The following B3GALT1 variants were observed in gnomAD, a reference collection of about 807,000 sequenced individuals.
B3GALT1 encodes beta-1,3-galactosyltransferase 1, also known as UDP-Gal:betaGlcNAc beta 1,3-galactosyltransferase, polypeptide 1.
In B3GALT1, 10 loss-of-function variants were observed where a neutral mutation model predicts 23.2. The observed-to-expected ratio is 0.43, with a 90% CI of 0.27 to 0.73. B3GALT1 has a LOEUF of 0.73. Ranked by LOEUF, B3GALT1 falls within the 30% of genes least tolerant of loss-of-function variation. The pLI is 0.21. For synonymous variants in B3GALT1, 156 were observed against 141.5 expected, an observed-to-expected ratio of 1.10 and a Z score of -0.73; for missense variants, 299 against 405.4, an observed-to-expected ratio of 0.74 and a Z score of 2.25.
chr2:167,378,373 C>A (rs2105274380), intron 1 of B3GALT1, among the ~76,000 whole-genome samples: 1 of 152,152 alleles, frequency 6.6e-6, no homozygotes, highest in Non-Finnish European at 1.5e-5. Context: ...CAACCTCTAG[C>A]AAAATTAGGG....
At chr2:167,301,652 G>A (rs1194406628) in intron 1 of B3GALT1, among the ~76,000 whole-genome samples, 1 of 152,204 alleles carries the variant, frequency 6.6e-6, no homozygotes, top group Non-Finnish European at 1.5e-5. Flanking sequence ...CCAGGTTCAA[G>A]CGATTCTCCT....
chr2:167,400,130 C>T (rs138965649), intron 1 of B3GALT1, among the ~76,000 whole-genome samples: 1,892 of 150,164 alleles, frequency 0.013, 47 homozygotes, highest in African/African-American at 0.044. Context: ...AAGATTTTCT[C>T]TTTCTTCTTG....
rs375314150 is a variant in B3GALT1 at position 167,297,140 on chromosome 2, T to G, written c.-511+3806T>G. On this transcript the variant is annotated intron_variant, in intron 1 of 4. Transcript: ENST00000392690. ...ATGATATCTGTCCTTTAAAATATCT[T>G]TAAAATCAAATTATAATATTTTCAG... Among the ~76,000 whole-genome samples, 16 of 152,212 alleles carry G rather than the reference T, an allele frequency of 1.1e-4. No homozygotes were observed. The East Asian group carries it at 1.7e-3, about 16-fold the overall frequency.
At chr2:167,835,695 T>G (rs1689449330) in intron 4 of B3GALT1, among the ~76,000 whole-genome samples, 2 of 152,228 alleles carry the variant, frequency 1.3e-5, no homozygotes, top group African/African-American at 4.8e-5. Flanking sequence ...TCTCCCAGCA[T>G]GCAGCTGGAG....
chr2:167,739,765 C>G (rs1027626588), intron 3 of B3GALT1, among the ~76,000 whole-genome samples: 5 of 151,912 alleles, frequency 3.3e-5, no homozygotes, highest in African/African-American at 1.2e-4. Flanking sequence ...AATAGTGAGA[C>G]AACCTTTTAA....
intron 2 of B3GALT1, among the ~76,000 whole-genome samples, chr2:167,516,188 TTTCTGCTAAGAGA>T (rs1265852098): frequency 6.6e-6 from 1 of 152,118 alleles, no homozygotes; most frequent in Admixed American, 6.6e-5. Context: ...CATAATTTTT[TTTCTGCTAAGAGA>T]TATTTGTCAT....
intron 1 of B3GALT1, among the ~76,000 whole-genome samples, chr2:167,333,492 T>C (rs1697008178): frequency 6.6e-6 from 1 of 152,164 alleles, no homozygotes. Context: ...AGAACCAGTG[T>C]TAGATTGATC....
intron 2 of B3GALT1, among the ~76,000 whole-genome samples, chr2:167,636,406 C>G (rs1374092436): frequency 6.6e-6 from 1 of 152,020 alleles, no homozygotes; most frequent in African/African-American, 2.4e-5. Context: ...ATTAGTTCAA[C>G]CATTGTGGAA....
intron 3 of B3GALT1, among the ~76,000 whole-genome samples, chr2:167,737,779 A>C (rs1687516049): frequency 6.6e-6 from 1 of 152,226 alleles, no homozygotes; most frequent in Non-Finnish European, 1.5e-5. Context: ...TGGAAGCTAC[A>C]TGTTAGCTGA....
At chr2:167,323,063 T>TA (rs1696838001) in intron 1 of B3GALT1, among the ~76,000 whole-genome samples, 1 of 150,912 alleles carries the variant, frequency 6.6e-6, no homozygotes, top group Admixed American at 6.6e-5. Context: ...CTGGCCTTTT[T>TA]AAAAAATAAA....
intron 3 of B3GALT1, among the ~76,000 whole-genome samples, chr2:167,795,466 G>T (rs1688531111): frequency 6.6e-6 from 1 of 152,070 alleles, no homozygotes; most frequent in South Asian, 2.1e-4. Context: ...CCTTGTATTT[G>T]CCTGAAGTCA....
At chr2:167,712,146 A>G (rs1204887160) in intron 3 of B3GALT1, among the ~76,000 whole-genome samples, 1 of 152,146 alleles carries the variant, frequency 6.6e-6, no homozygotes, top group Non-Finnish European at 1.5e-5. Flanking sequence ...TTGATTCCCA[A>G]ATTTTAATCC....
At chr2:167,391,910 C>T (rs964160993) in intron 1 of B3GALT1, among the ~76,000 whole-genome samples, 3 of 152,116 alleles carry the variant, frequency 2.0e-5, no homozygotes, top group African/African-American at 7.2e-5. Context: ...TAACTTTATA[C>T]TCCCACTTTT....
intron 3 of B3GALT1, among the ~76,000 whole-genome samples, chr2:167,803,545 C>CT (rs1345925328): frequency 2.6e-5 from 4 of 152,136 alleles, no homozygotes; most frequent in African/African-American, 9.7e-5. Context: ...TTTAAGGCAT[C>CT]TGCAGTCTTC....
chr2:167,866,935 CT>C (rs367855753), intron 4 of B3GALT1, among the ~76,000 whole-genome samples: 2 of 151,066 alleles, frequency 1.3e-5, no homozygotes, highest in African/African-American at 2.4e-5. Context: ...TTGAGAAGCT[CT>C]TTTTTTTTGA....
intron 4 of B3GALT1, chr2:167,862,961 A>G (rs1016578083): frequency 2.6e-5 from 4 of 152,272 alleles, no homozygotes; most frequent in South Asian, 2.1e-4. Flanking sequence ...GAATGTGTCT[A>G]TTTAGAGGGA....
intron 1 of B3GALT1, among the ~76,000 whole-genome samples, chr2:167,444,093 G>C (rs534640171): frequency 6.6e-6 from 1 of 152,116 alleles, no homozygotes; most frequent in Non-Finnish European, 1.5e-5. Flanking sequence ...GTTGAATTTT[G>C]TCAAAGGCCT....
chr2:167,677,688 T>C (rs1686451536), intron 3 of B3GALT1, among the ~76,000 whole-genome samples: 2 of 152,012 alleles, frequency 1.3e-5, no homozygotes, highest in Non-Finnish European at 2.9e-5. Flanking sequence ...TTTTCACTGC[T>C]CCCTCTACCC....
chr2:167,381,645 T>G (rs1697849287), intron 1 of B3GALT1, among the ~76,000 whole-genome samples: 1 of 152,204 alleles, frequency 6.6e-6, no homozygotes. Flanking sequence ...ACTCTAGGTT[T>G]GAAGAAAGCG....
Sources: gnomAD v4.1 joint callset for allele counts (sites outside exome capture counted in the v4.1 genomes callset) on GRCh38, gnomAD v4.1.1 for gene constraint, MANE v1.5 for transcripts, NCBI Gene and HGNC (gene_info 2026-07-23, HGNC 2026-07-21) for gene names.